Variants in STON1 observed in about 807,000 individuals in gnomAD.
STON1 encodes the protein stonin-1.
Under a neutral mutation model 60.9 loss-of-function variants are expected in STON1, and 79 were observed. The observed-to-expected ratio is 1.30, with a 90% CI of 1.08 to 1.56. The LOEUF (loss-of-function observed/expected upper bound fraction) is 1.56, where lower values mean the gene tolerates loss of function less well. Ranked by LOEUF, STON1 falls within the 40% of genes most tolerant of loss-of-function variation. STON1 has a pLI of 0.00. For synonymous variants in STON1, 363 were observed against 306.9 expected, an observed-to-expected ratio of 1.18 and a Z score of -1.91; for missense variants, 1,166 against 858.9, an observed-to-expected ratio of 1.36 and a Z score of -4.47.
chr2:48,553,447 G>C (rs999731432), intron 1 of STON1, among the ~76,000 whole-genome samples: 1 of 145,642 alleles, frequency 6.9e-6, no homozygotes, highest in Non-Finnish European at 1.5e-5. Context: ...TCTCTCTCTC[G>C]TTTGTTTTGT....
intron 1 of STON1, among the ~76,000 whole-genome samples, chr2:48,572,870 T>C (rs1363710769): frequency 2.0e-5 from 3 of 152,208 alleles, no homozygotes; most frequent in Non-Finnish European, 2.9e-5. Context: ...CTCCCTGCTC[T>C]GAGGGAAGGT....
intron 2 of STON1, among the ~76,000 whole-genome samples, chr2:48,584,765 T>C (rs1202493215): frequency 6.6e-6 from 1 of 152,252 alleles, no homozygotes; most frequent in South Asian, 2.1e-4. Context: ...TGTAAAGTTG[T>C]AGAACCAGAA....
chr2:48,592,928 G>A (rs1674607920), intron 3 of STON1, among the ~76,000 whole-genome samples: 1 of 151,522 alleles, frequency 6.6e-6, no homozygotes, highest in South Asian at 2.1e-4. Flanking sequence ...TATTATGGTA[G>A]TTTTAAATGT....
chr2:48,531,133 A>AT (rs1345237742), intron 1 of STON1: 1 of 152,140 alleles, frequency 6.6e-6, no homozygotes. Flanking sequence ...TGGGAGATAG[A>AT]AGTTCAGTGT....
intron 1 of STON1, among the ~76,000 whole-genome samples, chr2:48,553,028 C>T (rs1455128363): frequency 6.6e-6 from 1 of 152,102 alleles, no homozygotes; most frequent in Non-Finnish European, 1.5e-5. Flanking sequence ...CTTCTCTATC[C>T]AGCAAAGTAG....
intron 1 of STON1, among the ~76,000 whole-genome samples, chr2:48,532,372 AAATAAAT>A (rs1302380214): frequency 6.6e-6 from 1 of 150,698 alleles, no homozygotes; most frequent in African/African-American, 2.4e-5. Context: ...ATAAATAAAT[AAATAAAT>A]AAATAAATAA....
At chr2:48,552,188 G>A (rs554122994) in intron 1 of STON1, among the ~76,000 whole-genome samples, 18 of 152,334 alleles carry the variant, frequency 1.2e-4, no homozygotes, top group African/African-American at 4.3e-4. Flanking sequence ...AAATATTGAT[G>A]TAAGCTTCTG....
chr2:48,581,133 G>C lies in STON1; in HGVS notation c.500G>C (p.Ser167Thr), dbSNP rs768120126. The change falls in exon 2 of 4, where the codon AGT (serine) becomes ACT (threonine). Residue 167 changes from serine to threonine, a missense_variant. Ser to Thr is a moderately conservative substitution (Grantham distance 58). Coordinates refer to ENST00000404752, the MANE Select transcript of STON1 (RefSeq NM_006873.4). ...CAGGCTGAAAGCCTAGGATTCCAAA[G>C]TGATGATCTCCCCCAGTTTCAGTAT... ...PQQAESLGFQ[S>T]DDLPQFQYFR... The C allele has an allele frequency of 6.3e-7, 1 of 1,583,508 alleles. No homozygotes were observed. Among genetic ancestry groups the C allele is most frequent in the African/African-American group, 1.4e-5 (1 of 73,586 alleles).
rs148497718 is a variant in STON1, at chr2:48,544,597, G to A, written c.-48+14381G>A. ...GTCTTGCTCTGTTGCTTAGGCTGCA[G>A]TGAAATGGCATGATCTTGGCTCACT... On this transcript the variant is annotated intron_variant, in intron 1 of 3. Transcript: ENST00000404752. Among the ~76,000 whole-genome samples the A allele has an allele frequency of 3.6e-3, 542 of 152,296 alleles. 3 individuals carry two copies. Among genetic ancestry groups the A allele is most frequent in the African/African-American group, 0.012 (488 of 41,560 alleles).
intron 1 of STON1, among the ~76,000 whole-genome samples, chr2:48,534,784 AAG>A (rs1671356784): frequency 6.6e-6 from 1 of 152,310 alleles, no homozygotes; most frequent in South Asian, 2.1e-4. Context: ...CCTGTCTCCT[AAG>A]AGGGGGTGAG....
chr2:48,582,132 G>T lies in STON1; in HGVS notation c.1499G>T (p.Arg500Ile). Reference sequence around the variant, plus strand: ...AATGTACAAGAATTTGAGCAATCAAGAATCATTAAGTTTGTACCTCTGGAT... The same window carrying T: ...AATGTACAAGAATTTGAGCAATCAATAATCATTAAGTTTGTACCTCTGGAT... ...CVNVQEFEQSRIIKFVPLDAC... is the reference protein window; with the variant it reads ...CVNVQEFEQSIIIKFVPLDAC... Residue 500 changes from arginine (R) to isoleucine (I), a missense_variant, in exon 2 of 4, where the codon AGA becomes ATA. By Grantham distance (97) the Arg-to-Ile change is moderately conservative (BLOSUM62 -3). Transcript: ENST00000404752. 4 of 1,614,178 alleles carry T rather than the reference G, an allele frequency of 2.5e-6. No individual in the cohort carries two copies. Among genetic ancestry groups the T allele is most frequent in the Non-Finnish European group, 3.4e-6 (4 of 1,180,024 alleles).
chr2:48,580,962 C>T lies in STON1; in HGVS notation c.329C>T (p.Ser110Leu), dbSNP rs1456738136. Reference sequence around the variant, plus strand: ...CTTTATCCTATTCCAGAATCATCTTCAGACAGCCCACTCGCAATATCAGGA... The same window carrying T: ...CTTTATCCTATTCCAGAATCATCTTTAGACAGCCCACTCGCAATATCAGGA... ...HVLYPIPESS[S>L]DSPLAISGGE... is the part of the protein sequence containing the mutation. The change falls in exon 2 of 4, where the codon TCA becomes TTA. Residue 110 changes from serine (S) to leucine (L), a missense_variant. Coordinates refer to ENST00000404752, the MANE Select transcript of STON1 (RefSeq NM_006873.4). 6.3e-7 allele frequency: 1 copy of T among 1,584,978 alleles called. No homozygotes were observed. Among genetic ancestry groups the T allele is most frequent in the Non-Finnish European group, 8.6e-7 (1 of 1,169,398 alleles).
chr2:48,573,966 TAGGCATATTCA>T (rs1388708178), intron 1 of STON1, among the ~76,000 whole-genome samples: 2 of 152,220 alleles, frequency 1.3e-5, no homozygotes, highest in Non-Finnish European at 2.9e-5. Flanking sequence ...ATGTCCTGAA[TAGGCATATTCA>T]CAGGCACAGA....
chr2:48,533,082 A>T (rs1671277853), intron 1 of STON1, among the ~76,000 whole-genome samples: 1 of 151,968 alleles, frequency 6.6e-6, no homozygotes, highest in South Asian at 2.1e-4. Context: ...GTGAGACCCC[A>T]TCTCTTAAAA....
chr2:48,563,202 G>T (rs1672679407), intron 1 of STON1, among the ~76,000 whole-genome samples: 1 of 152,224 alleles, frequency 6.6e-6, no homozygotes, highest in South Asian at 2.1e-4. Flanking sequence ...CCTTAGCCAG[G>T]AGAGTCCTGG....
At chr2:48,547,366 C>G (rs1166883863) in intron 1 of STON1, among the ~76,000 whole-genome samples, 1 of 152,084 alleles carries the variant, frequency 6.6e-6, no homozygotes, top group African/African-American at 2.4e-5. Context: ...ATGACAGGCC[C>G]TTAGCACTGG....
Position 48,591,703 on chromosome 2 carries a change from C to G in STON1, c.1981C>G (p.Gln661Glu). Residue 661 changes from glutamine (Q) to glutamate (E), a missense_variant, in exon 3 of 4, where the codon CAA (glutamine) becomes GAA (glutamate). Transcript: ENST00000404752. ...ATACAAATTAGAGCTTGGATCAGACCAAGAAATTCCCTCTGATTGGTATCC... is the reference window on the plus strand; with the variant it reads ...ATACAAATTAGAGCTTGGATCAGACGAAGAAATTCCCTCTGATTGGTATCC... Reference protein sequence around the residue: ...LSYKLELGSDQEIPSDWYPFA... With the variant: ...LSYKLELGSDEEIPSDWYPFA... 2 of 1,614,034 alleles carry G rather than the reference C, an allele frequency of 1.2e-6. No homozygotes were observed. The highest frequency in any genetic ancestry group is 2.2e-5 in the East Asian group (1 of 44,886).
intron 1 of STON1, among the ~76,000 whole-genome samples, chr2:48,575,759 G>GTT (rs535300380): frequency 2.7e-5 from 3 of 111,828 alleles, no homozygotes; most frequent in Non-Finnish European, 3.6e-5. Context: ...GTTTTTGTTT[G>GTT]TTTTTTTTTT....
intron 1 of STON1, among the ~76,000 whole-genome samples, chr2:48,567,887 C>G (rs1673015235): frequency 7.0e-6 from 1 of 143,768 alleles, no homozygotes; most frequent in South Asian, 2.2e-4. Flanking sequence ...TTTGGAAATG[C>G]TGCTAAAGTC....
Sources: allele counts gnomAD v4.1 joint callset (sites outside exome capture counted in the v4.1 genomes callset), GRCh38; gene constraint gnomAD v4.1.1; transcripts MANE v1.5; gene names NCBI Gene and HGNC (gene_info 2026-07-23, HGNC 2026-07-21).